The following NEK10 variants were observed in gnomAD, a reference collection of about 807,000 sequenced individuals.
NEK10 encodes NIMA related kinase 10.
In NEK10, 122 loss-of-function variants were observed where a neutral mutation model predicts 159.8. The ratio of observed to expected loss-of-function variants is 0.76; its 90% confidence interval spans 0.66 to 0.89. The LOEUF (loss-of-function observed/expected upper bound fraction) is 0.89, where lower values mean the gene tolerates loss of function less well. NEK10 is among the 40% of genes least tolerant of loss of function. The pLI, the probability that NEK10 is intolerant of heterozygous loss-of-function variation, is 0.00. For missense variants in NEK10, 1,342 were observed against 1,323.1 expected (o/e 1.01, Z -0.22); for synonymous variants, 466 against 457.1 (o/e 1.02, Z -0.25).
At chr3:27,150,166 A>G (rs1029810896) in intron 30 of NEK10, among the ~76,000 whole-genome samples, 1 of 152,220 alleles carries the variant, frequency 6.6e-6, no homozygotes, top group African/African-American at 2.4e-5. Flanking sequence ...CATTTCCATA[A>G]CATAAAAGTA....
chr3:27,143,574 G>C (rs1367918924), intron 30 of NEK10: 10 of 620,124 alleles, frequency 1.6e-5, no homozygotes, highest in South Asian at 5.8e-5. Context: ...GAGACCCTTT[G>C]ACCACTACCC....
At chr3:27,315,333 C>A (rs771752480) in intron 6 of NEK10, among the ~76,000 whole-genome samples, 31 of 152,136 alleles carry the variant, frequency 2.0e-4, no homozygotes, top group Non-Finnish European at 3.8e-4. Context: ...GCACAGGGGC[C>A]TTTTTCTCTC....
At chr3:27,226,736 A>C (rs1200215702) in intron 23 of NEK10, among the ~76,000 whole-genome samples, 1 of 152,214 alleles carries the variant, frequency 6.6e-6, no homozygotes, top group Non-Finnish European at 1.5e-5. Context: ...TAAGATTTTT[A>C]TTCTTAGAAA....
At chr3:27,252,665 G>A (rs1955786573) in intron 23 of NEK10, among the ~76,000 whole-genome samples, 1 of 99,388 alleles carries the variant, frequency 1.0e-5, no homozygotes, top group Non-Finnish European at 2.3e-5. Flanking sequence ...TAGATCAGAG[G>A]AAATAGACCT....
intron 1 of NEK10, among the ~76,000 whole-genome samples, chr3:27,363,403 T>C (rs1249808592): frequency 1.3e-5 from 2 of 152,192 alleles, no homozygotes; most frequent in African/African-American, 4.8e-5. Context: ...AGCACATACT[T>C]TGTAGTTTAC....
intron 22 of NEK10, among the ~76,000 whole-genome samples, chr3:27,277,589 C>T (rs2041863342): frequency 6.6e-6 from 1 of 152,194 alleles, no homozygotes; most frequent in African/African-American, 2.4e-5. Flanking sequence ...ACACACTATA[C>T]TCCTTCATGT....
At chr3:27,223,035 T>C (rs1282272880) in intron 23 of NEK10, among the ~76,000 whole-genome samples, 4 of 152,180 alleles carry the variant, frequency 2.6e-5, no homozygotes, top group African/African-American at 9.7e-5. Context: ...AATTAATAAT[T>C]AATAGAACTT....
At chr3:27,192,008 G>A (rs530589516) in intron 26 of NEK10, 21 bp downstream of exon 26, 29 of 1,607,566 alleles carry the variant, frequency 1.8e-5, no homozygotes, top group Middle Eastern at 3.3e-4. Context: ...ATCATGAACC[G>A]ATTGAAATAT....
chr3:27,254,486 TAAGA>T (rs1229932885), intron 23 of NEK10, among the ~76,000 whole-genome samples: 2 of 152,086 alleles, frequency 1.3e-5, no homozygotes, highest in African/African-American at 4.8e-5. Flanking sequence ...AATCCCAAAT[TAAGA>T]AAGAAACACA....
At chr3:27,200,690 G>A (rs892904225) in intron 25 of NEK10, among the ~76,000 whole-genome samples, 2 of 152,192 alleles carry the variant, frequency 1.3e-5, no homozygotes, top group Non-Finnish European at 2.9e-5. Flanking sequence ...TAATATGTCA[G>A]GGATGATGAG....
intron 9 of NEK10, 74 bp from the exon 10 acceptor site, chr3:27,309,079 T>C (rs538431743): frequency 2.7e-6 from 2 of 738,974 alleles, no homozygotes; most frequent in East Asian, 5.5e-5. Context: ...AACATTAATT[T>C]ATTTTCCATT....
chr3:27,300,617 C>A (rs1364055898), intron 13 of NEK10, among the ~76,000 whole-genome samples: 2 of 152,188 alleles, frequency 1.3e-5, no homozygotes, highest in Non-Finnish European at 2.9e-5. Flanking sequence ...TTCCAGTTCT[C>A]AAAGGCTCCT....
chr3:27,202,694 T>G (rs1950159641), intron 23 of NEK10, 137 bp from the exon 24 acceptor site: 1 of 1,186,772 alleles, frequency 8.4e-7, no homozygotes, highest in African/African-American at 1.6e-5. Context: ...GGAAAGGATA[T>G]CAAAAAGTCT....
intron 32 of NEK10, among the ~76,000 whole-genome samples, chr3:27,127,785 A>G (rs893692520): frequency 5.9e-5 from 9 of 152,168 alleles, no homozygotes; most frequent in Non-Finnish European, 1.5e-5. Flanking sequence ...TCAGGAAGAA[A>G]TAATTCCATA....
intron 8 of NEK10, 194 bp downstream of exon 8, chr3:27,311,904 AG>A: frequency 1.9e-6 from 1 of 518,188 alleles, no homozygotes. Context: ...TTCAAGGTAA[AG>A]GTTGTAATCT....
chr3:27,284,015 G>A (rs1334944716), intron 22 of NEK10, among the ~76,000 whole-genome samples: 1 of 152,164 alleles, frequency 6.6e-6, no homozygotes, highest in South Asian at 2.1e-4. Context: ...GCAAAATATA[G>A]CTCAGTCATT....
rs544499519 is a variant in NEK10, at chr3:27,268,487, G to A, written c.2015-12116C>T. Among the ~76,000 whole-genome samples, 36 of 152,250 alleles carry A rather than the reference G, an allele frequency of 2.4e-4. 1 individual carries two copies. The South Asian group carries it at 4.8e-3, about 20-fold the overall frequency. ...CTTATTGACCATTCTGAAAATCCTAGGGCCCTTAAGAATGTTGCTACATAT... is the reference window on the plus strand; with the variant it reads ...CTTATTGACCATTCTGAAAATCCTAAGGCCCTTAAGAATGTTGCTACATAT... On this transcript the variant is annotated intron_variant, in intron 22 of 35. Coordinates refer to ENST00000691995, the MANE Select transcript of NEK10 (RefSeq NM_001394966.1).
intron 26 of NEK10, among the ~76,000 whole-genome samples, chr3:27,181,436 A>G (rs868163471): frequency 1.3e-5 from 2 of 152,102 alleles, no homozygotes; most frequent in Non-Finnish European, 2.9e-5. Context: ...TCATCTTCAC[A>G]TTGGGTAGGC....
chr3:27,205,111 T>C (rs1205547905), intron 23 of NEK10, among the ~76,000 whole-genome samples: 1 of 152,184 alleles, frequency 6.6e-6, no homozygotes, highest in African/African-American at 2.4e-5. Context: ...ATGTCTTCTT[T>C]TGAGAAGTGT....
Sources: gnomAD v4.1 joint callset for allele counts (sites outside exome capture counted in the v4.1 genomes callset) on GRCh38, gnomAD v4.1.1 for gene constraint, MANE v1.5 for transcripts, NCBI Gene and HGNC (gene_info 2026-07-23, HGNC 2026-07-21) for gene names.